AGTPBP1: variants seen among roughly 807,000 people sequenced by gnomAD.
AGTPBP1 encodes cytosolic carboxypeptidase 1.
A neutral mutation model predicts 143.9 loss-of-function variants in AGTPBP1; 70 were observed. The ratio of observed to expected loss-of-function variants is 0.49; its 90% CI spans 0.40 to 0.59. AGTPBP1 has a LOEUF of 0.59. Ranked by LOEUF, AGTPBP1 falls within the 20% of genes least tolerant of loss-of-function variation. The pLI, the probability that AGTPBP1 is intolerant of heterozygous loss-of-function variation, is 0.00. For missense variants in AGTPBP1, 1,229 were observed against 1,464.5 expected (o/e 0.84, Z 2.62); for synonymous variants, 463 against 500.2 (o/e 0.93, Z 0.99).
At chr9:85,680,622 T>C (rs1193489159) in intron 4 of AGTPBP1, among the ~76,000 whole-genome samples, 1 of 151,432 alleles carries the variant, frequency 6.6e-6, no homozygotes, top group Non-Finnish European at 1.5e-5. Context: ...AAAAAAACTG[T>C]TGGTAACTTT....
the AGTPBP1 span, chr9:85,774,000 G>C: frequency 6.2e-7 from 1 of 1,610,494 alleles, no homozygotes; most frequent in South Asian, 1.1e-5. Context: ...AAAGGAGCAC[G>C]AACAAAAGAT....
chr9:85,639,157 ATTT>A (rs1342399170), intron 13 of AGTPBP1, among the ~76,000 whole-genome samples: 1 of 152,152 alleles, frequency 6.6e-6, no homozygotes, highest in Non-Finnish European at 1.5e-5. Context: ...AAGATTTAAA[ATTT>A]TTTATCTTTT....
intron 2 of AGTPBP1, among the ~76,000 whole-genome samples, chr9:85,707,578 AAAG>A (rs1271981945): frequency 6.6e-6 from 1 of 152,214 alleles, no homozygotes; most frequent in Non-Finnish European, 1.5e-5. Context: ...TAAAAAGATA[AAAG>A]AATACTTCAA....
At chr9:85,643,405 T>C (rs1246172590) in intron 12 of AGTPBP1, among the ~76,000 whole-genome samples, 1 of 152,124 alleles carries the variant, frequency 6.6e-6, no homozygotes, top group Non-Finnish European at 1.5e-5. Context: ...TACGGAGAAG[T>C]TAAGCCATTT....
At chr9:85,770,979 T>C in the AGTPBP1 span, among the ~76,000 whole-genome samples, 1 of 152,186 alleles carries the variant, frequency 6.6e-6, no homozygotes, top group Non-Finnish European at 1.5e-5. Context: ...TTAACCTGAA[T>C]GTGCTTAAAT....
chr9:85,696,544 TG>T (rs1836255436), intron 2 of AGTPBP1, among the ~76,000 whole-genome samples: 1 of 151,898 alleles, frequency 6.6e-6, no homozygotes, highest in South Asian at 2.1e-4. Flanking sequence ...GGCGCACATC[TG>T]TAATCCCAGC....
At chr9:85,762,369 C>T in the AGTPBP1 span, among the ~76,000 whole-genome samples, 2 of 152,022 alleles carry the variant, frequency 1.3e-5, no homozygotes, top group African/African-American at 4.8e-5. Context: ...TTGGAACCAA[C>T]CCAAATGTCC....
chr9:85,737,874 C>T (rs1422573691), intron 1 of AGTPBP1, among the ~76,000 whole-genome samples: 3 of 152,156 alleles, frequency 2.0e-5, no homozygotes, highest in Admixed American at 2.0e-4. Context: ...CCCCGGCCTC[C>T]CCACCCTGTT....
chr9:85,628,367 G>A (rs978601791), intron 14 of AGTPBP1, among the ~76,000 whole-genome samples: 79 of 152,112 alleles, frequency 5.2e-4, no homozygotes, highest in African/African-American at 1.7e-3. Flanking sequence ...AAAATGGAGC[G>A]ACAAATATGA....
intron 2 of AGTPBP1, among the ~76,000 whole-genome samples, chr9:85,709,271 A>G (rs1181038439): frequency 6.6e-6 from 1 of 152,230 alleles, no homozygotes; most frequent in Non-Finnish European, 1.5e-5. Context: ...AAAATCAGAC[A>G]TTCATACTGG....
At chr9:85,586,994 C>G (rs1430505920) in intron 21 of AGTPBP1, 34 bp from the exon 22 acceptor site, 1 of 1,612,266 alleles carries the variant, frequency 6.2e-7, no homozygotes, top group Non-Finnish European at 8.5e-7. Context: ...CAGAAAAACA[C>G]TGGTACCCAT....
At position 85,664,576 on chromosome 9, in the gene AGTPBP1, TATC is replaced by T. The variant is rs1299106539; in HGVS notation, c.663-3606_663-3604del. 4.6e-5 allele frequency among the ~76,000 whole-genome samples: 7 copies of T among 152,314 alleles called. No individual in the cohort carries two copies. The East Asian group carries it at 1.3e-3, about 29-fold the overall frequency. On this transcript the variant is annotated intron_variant, in intron 8 of 25. Transcript: ENST00000357081. ...CTGTACACTTTGAATATACAGATTT[TATC>T]ATGTCAACTACATCTCAGAAACGTA...
intron 19 of AGTPBP1, among the ~76,000 whole-genome samples, chr9:85,591,360 G>A (rs1332853781): frequency 6.6e-6 from 1 of 151,950 alleles, no homozygotes; most frequent in Non-Finnish European, 1.5e-5. Context: ...GTGGCAGCGG[G>A]AACTAATGAA....
At chr9:85,720,934 A>G (rs2134608920) in intron 1 of AGTPBP1, among the ~76,000 whole-genome samples, 1 of 152,300 alleles carries the variant, frequency 6.6e-6, no homozygotes, top group Middle Eastern at 3.4e-3. Context: ...CCCAGTAGTC[A>G]TTCAGGAGCA....
At chr9:85,601,421 T>A (rs1829661502) in intron 17 of AGTPBP1, among the ~76,000 whole-genome samples, 2 of 152,100 alleles carry the variant, frequency 1.3e-5, no homozygotes, top group Non-Finnish European at 2.9e-5. Flanking sequence ...AGCCTAGGGA[T>A]CACTCAGCCA....
At chr9:85,652,686 C>G (rs749713049) in intron 11 of AGTPBP1, among the ~76,000 whole-genome samples, 5 of 152,118 alleles carry the variant, frequency 3.3e-5, no homozygotes, top group Non-Finnish European at 7.4e-5. Context: ...TATAATAAAC[C>G]CATAACCATA....
intron 18 of AGTPBP1, among the ~76,000 whole-genome samples, chr9:85,593,112 A>C (rs1829075721): frequency 6.6e-6 from 1 of 152,196 alleles, no homozygotes; most frequent in African/African-American, 2.4e-5. Flanking sequence ...TTAAGATTAC[A>C]AAAAGAGAAA....
intron 1 of AGTPBP1, among the ~76,000 whole-genome samples, chr9:85,715,487 C>T (rs1484395601): frequency 6.6e-6 from 1 of 152,182 alleles, no homozygotes; most frequent in African/African-American, 2.4e-5. Flanking sequence ...ATAGTAACTT[C>T]TTACCTCCTC....
chr9:85,633,497 C>A (rs896656468), intron 13 of AGTPBP1, 123 bp from the exon 14 acceptor site: 17 of 700,988 alleles, frequency 2.4e-5, no homozygotes, highest in Non-Finnish European at 3.4e-5. Flanking sequence ...TGGATAAAAC[C>A]GGATATGTTT....
Sources: allele counts gnomAD v4.1 joint callset (sites outside exome capture counted in the v4.1 genomes callset), GRCh38; gene constraint gnomAD v4.1.1; transcripts MANE v1.5; gene names NCBI Gene and HGNC (gene_info 2026-07-23, HGNC 2026-07-21).